CADM2: variants seen among roughly 807,000 people sequenced by gnomAD.
The protein encoded by CADM2 is cell adhesion molecule 2.
CADM2 carries 12 observed loss-of-function variants against 49.8 expected under a neutral mutation model. The observed-to-expected ratio is 0.24, with a 90% CI of 0.15 to 0.39. The LOEUF (loss-of-function observed/expected upper bound fraction) is 0.39. Ranked by LOEUF, CADM2 falls within the 10% of genes least tolerant of loss-of-function variation. CADM2 has a pLI of 1.00. For missense variants in CADM2, 378 were observed against 492.3 expected (o/e 0.77, Z 2.20); for synonymous variants, 214 against 175.4 (o/e 1.22, Z -1.74).
At chr3:86,045,046 C>G (rs758798946) in intron 8 of CADM2, among the ~76,000 whole-genome samples, 1 of 119,060 alleles carries the variant, frequency 8.4e-6, no homozygotes, top group Non-Finnish European at 1.7e-5. Flanking sequence ...ACATAACACA[C>G]GGGCCTGTCG....
Position 85,879,651 on chromosome 3 carries a change from G to T in CADM2, c.239-3640G>T, listed in dbSNP as rs926299671. On this transcript the variant is annotated intron_variant, in intron 3 of 9. Transcript: ENST00000383699. ...CTGTTCTCCCTACTCCATCAAATGT[G>T]CATTAAAATTTTTTAATCAATTTTT... is the stretch of plus-strand genomic sequence containing the variant. Among the ~76,000 whole-genome samples the T allele has an allele frequency of 2.0e-5, 3 of 151,998 alleles. No individual in the cohort carries two copies. The East Asian group carries it at 5.8e-4, about 29-fold the overall frequency.
At chr3:84,979,877 T>G (rs1261808265) in intron 1 of CADM2, among the ~76,000 whole-genome samples, 1 of 152,114 alleles carries the variant, frequency 6.6e-6, no homozygotes, top group Non-Finnish European at 1.5e-5. Flanking sequence ...GTCTTCAAGA[T>G]AAAGTAAGAG....
At chr3:85,817,451 TG>T (rs2073280441) in intron 3 of CADM2, among the ~76,000 whole-genome samples, 1 of 141,838 alleles carries the variant, frequency 7.1e-6, no homozygotes, top group Non-Finnish European at 1.5e-5. Flanking sequence ...TGAGATTGAA[TG>T]GGCTATCTCT....
intron 1 of CADM2, among the ~76,000 whole-genome samples, chr3:85,725,306 C>A (rs2067657220): frequency 6.6e-6 from 1 of 151,812 alleles, no homozygotes; most frequent in Admixed American, 6.6e-5. Flanking sequence ...TGTACACAGA[C>A]TTTCTAAATT....
rs554729265 is a variant in CADM2, at chr3:85,172,545, G to A, written c.61+212877G>A. Among the ~76,000 whole-genome samples the A allele has an allele frequency of 9.2e-5, 14 of 152,058 alleles. No individual in the cohort carries two copies. The South Asian group carries it at 1.5e-3, about 16-fold the overall frequency. ...TCTAAATGCTTCCTCCTCTAGCTAG[G>A]GCAACAATGTGAGCAAAGGCTTAGA... On this transcript the variant is annotated intron_variant, in intron 1 of 9. Coordinates refer to ENST00000383699, the MANE Select transcript of CADM2 (RefSeq NM_001167675.2).
chr3:85,589,515 G>A (rs982949032), intron 1 of CADM2, among the ~76,000 whole-genome samples: 13 of 151,918 alleles, frequency 8.6e-5, no homozygotes, highest in African/African-American at 3.1e-4. Flanking sequence ...CAGATTCCAT[G>A]CTTCATTAGT....
intron 2 of CADM2, among the ~76,000 whole-genome samples, chr3:85,796,285 T>A (rs1298105677): frequency 6.6e-6 from 1 of 152,166 alleles, no homozygotes; most frequent in Non-Finnish European, 1.5e-5. Flanking sequence ...ATTTCTGAGC[T>A]CCTAATCTCT....
chr3:85,696,262 TA>T (rs771434908), intron 1 of CADM2, among the ~76,000 whole-genome samples: 21 of 152,160 alleles, frequency 1.4e-4, no homozygotes, highest in Non-Finnish European at 2.9e-4. Context: ...AGAAACTTTT[TA>T]GTTTAATTAA....
chr3:85,067,047 T>C (rs1019881808), intron 1 of CADM2, among the ~76,000 whole-genome samples: 1 of 152,202 alleles, frequency 6.6e-6, no homozygotes, highest in African/African-American at 2.4e-5. Flanking sequence ...TCTAGGTTAG[T>C]AAGTTTAAGT....
chr3:85,188,753 C>A (rs1328363700), intron 1 of CADM2, among the ~76,000 whole-genome samples: 1 of 151,914 alleles, frequency 6.6e-6, no homozygotes, highest in Non-Finnish European at 1.5e-5. Context: ...AAGAGCAGGC[C>A]AGGCGCAGTG....
At chr3:85,378,873 G>A (rs111378817) in intron 1 of CADM2, among the ~76,000 whole-genome samples, 2 of 151,564 alleles carry the variant, frequency 1.3e-5, no homozygotes, top group South Asian at 2.1e-4. Flanking sequence ...TAAAATTATT[G>A]CAATAAAGTA....
intron 3 of CADM2, among the ~76,000 whole-genome samples, chr3:85,808,887 C>T (rs138600711): frequency 6.0e-4 from 91 of 151,978 alleles, no homozygotes; most frequent in African/African-American, 2.1e-3. Flanking sequence ...AAACTAAGAC[C>T]GATAAAGAGA....
At chr3:85,364,392 A>G (rs947015678) in intron 1 of CADM2, among the ~76,000 whole-genome samples, 2 of 152,204 alleles carry the variant, frequency 1.3e-5, no homozygotes, top group East Asian at 3.9e-4. Context: ...AGGTGAAAGT[A>G]CAAGCTGGGT....
intron 1 of CADM2, among the ~76,000 whole-genome samples, chr3:85,286,310 C>G (rs1229576326): frequency 1.3e-5 from 2 of 152,096 alleles, no homozygotes; most frequent in African/African-American, 4.8e-5. Flanking sequence ...CACATTAATT[C>G]AACATTCGTA....
chr3:85,953,374 T>TA (rs1352550302), intron 7 of CADM2, among the ~76,000 whole-genome samples: 1 of 151,032 alleles, frequency 6.6e-6, no homozygotes, highest in Non-Finnish European at 1.5e-5. Context: ...TTGGTAACCC[T>TA]ATTCTCACTT....
chr3:85,894,296 A>G (rs1287507424), intron 5 of CADM2, among the ~76,000 whole-genome samples: 2 of 152,164 alleles, frequency 1.3e-5, no homozygotes, highest in African/African-American at 2.4e-5. Flanking sequence ...GAATTGAGCA[A>G]TGAGAACACT....
At chr3:85,996,271 G>C (rs1729400968) in intron 8 of CADM2, among the ~76,000 whole-genome samples, 1 of 147,418 alleles carries the variant, frequency 6.8e-6, no homozygotes, top group Admixed American at 6.8e-5. Flanking sequence ...CAAGTTAAAA[G>C]CTTCCATTTT....
chr3:85,948,435 A>T (rs1723003821), intron 7 of CADM2, among the ~76,000 whole-genome samples: 1 of 151,454 alleles, frequency 6.6e-6, no homozygotes, highest in African/African-American at 2.4e-5. Flanking sequence ...CCAGCTGTTA[A>T]ATATCTTGAC....
chr3:85,819,165 C>T (rs1453837914), intron 3 of CADM2, among the ~76,000 whole-genome samples: 5 of 152,124 alleles, frequency 3.3e-5, no homozygotes, highest in South Asian at 2.1e-4. Context: ...GGAAGCATTC[C>T]GCATGGGAAG....
Sources: allele counts gnomAD v4.1 joint callset (sites outside exome capture counted in the v4.1 genomes callset), GRCh38; gene constraint gnomAD v4.1.1; transcripts MANE v1.5; gene names NCBI Gene and HGNC (gene_info 2026-07-23, HGNC 2026-07-21).